DLGAP2: variants seen among roughly 807,000 people sequenced by gnomAD.
The protein encoded by DLGAP2 is DLG associated protein 2.
In DLGAP2, 26 loss-of-function variants were observed where a neutral mutation model predicts 100.3. The observed-to-expected ratio is 0.26, with a 90% confidence interval of 0.19 to 0.36. The LOEUF is 0.36. Among genes scored for constraint, DLGAP2 ranks in the 10% least tolerant of loss-of-function variants. The pLI, the probability that DLGAP2 is intolerant of heterozygous loss-of-function variation, is 1.00. For missense variants in DLGAP2, 1,858 were observed against 1,453.2 expected (o/e 1.28, Z -4.53); for synonymous variants, 886 against 630.1 (o/e 1.41, Z -6.08).
chr8:966,122 G>A (rs1799865404), intron 2 of DLGAP2, among the ~76,000 whole-genome samples: 1 of 152,200 alleles, frequency 6.6e-6, no homozygotes, highest in African/African-American at 2.4e-5. Context: ...GACCAGAGCA[G>A]GGGCATCATC....
intron 6 of DLGAP2, among the ~76,000 whole-genome samples, chr8:1,626,000 G>A (rs974423255): frequency 6.0e-5 from 9 of 149,720 alleles, no homozygotes; most frequent in South Asian, 2.1e-4. Context: ...TGGGTTGGAC[G>A]GCTGTTCCCA....
At chr8:1,161,715 G>T (rs1163103019) in intron 2 of DLGAP2, among the ~76,000 whole-genome samples, 1 of 152,310 alleles carries the variant, frequency 6.6e-6, no homozygotes, top group Middle Eastern at 3.4e-3. Context: ...CTCAGGGCAC[G>T]TATGGTCCAG....
At position 1,548,667 on chromosome 8, in the gene DLGAP2, G is replaced by T; in HGVS notation, c.214G>T (p.Glu72Ter). The T allele has an allele frequency of 1.9e-6, 3 of 1,589,240 alleles. No homozygotes were observed. Among genetic ancestry groups the T allele is most frequent in the Non-Finnish European group, 1.7e-6 (2 of 1,169,514 alleles). ...SWSPTQHFNE[E>*]RYSPAPRSMK... ...GTCGCCCACGCAGCACTTCAATGAG[G>T]AGCGCTACTCGCCCGCGCCCAGGAG... Residue 72 changes from glutamate (E) to a stop codon, truncating the protein, a stop_gained, in exon 5 of 15, where the codon GAG becomes TAG. Coordinates refer to ENST00000637795, the MANE Select transcript of DLGAP2 (RefSeq NM_001346810.2). LOFTEE classifies it high-confidence loss of function.
chr8:1,553,350 T>A (rs1008048821), intron 5 of DLGAP2, among the ~76,000 whole-genome samples: 1 of 152,202 alleles, frequency 6.6e-6, no homozygotes, highest in Admixed American at 6.5e-5. Context: ...TACTCTTTAT[T>A]TGACATGAAG....
intron 2 of DLGAP2, among the ~76,000 whole-genome samples, chr8:1,208,433 T>A (rs1261351715): frequency 6.6e-6 from 1 of 152,218 alleles, no homozygotes; most frequent in African/African-American, 2.4e-5. Flanking sequence ...AGCATCACTT[T>A]ATGATTAAAA....
intron 2 of DLGAP2, among the ~76,000 whole-genome samples, chr8:1,036,890 G>T (rs1043249883): frequency 6.6e-6 from 1 of 152,156 alleles, no homozygotes; most frequent in Non-Finnish European, 1.5e-5. Flanking sequence ...AACATAAGCT[G>T]CTTTTTTTAG....
chr8:1,577,920 C>G (rs1024471465), intron 6 of DLGAP2, among the ~76,000 whole-genome samples: 1 of 152,224 alleles, frequency 6.6e-6, no homozygotes, highest in Non-Finnish European at 1.5e-5. Flanking sequence ...AGCGCGAGTG[C>G]TCATAGCTGC....
At chr8:1,646,503 T>A (rs940809927) in intron 8 of DLGAP2, among the ~76,000 whole-genome samples, 1 of 152,288 alleles carries the variant, frequency 6.6e-6, no homozygotes, top group South Asian at 2.1e-4. Context: ...CCAACTAATA[T>A]CATACCCTTA....
chr8:1,694,448 G>A (rs556169099), intron 13 of DLGAP2, among the ~76,000 whole-genome samples: 11 of 152,340 alleles, frequency 7.2e-5, no homozygotes, highest in East Asian at 1.9e-4. Context: ...GGAGCCTTTC[G>A]GGACGGACCG....
At chr8:1,268,758 C>T (rs1799520712) in intron 3 of DLGAP2, among the ~76,000 whole-genome samples, 1 of 152,342 alleles carries the variant, frequency 6.6e-6, no homozygotes, top group Middle Eastern at 3.4e-3. Context: ...AATTTAAAAA[C>T]ATTTCCCAAT....
At chr8:1,621,643 C>T (rs911375696) in intron 6 of DLGAP2, 1 of 152,202 alleles carries the variant, frequency 6.6e-6, no homozygotes, top group Non-Finnish European at 1.5e-5. Flanking sequence ...ATAGACTCAC[C>T]AGCTGGAGCG....
intron 3 of DLGAP2, among the ~76,000 whole-genome samples, chr8:1,280,402 C>G (rs1443288051): frequency 6.6e-6 from 1 of 152,170 alleles, no homozygotes; most frequent in Non-Finnish European, 1.5e-5. Context: ...ACTTATTTAT[C>G]TCTATTTAAT....
At chr8:1,226,306 C>G (rs140240273) in intron 2 of DLGAP2, among the ~76,000 whole-genome samples, 2,217 of 152,228 alleles carry the variant, frequency 0.015, 27 homozygotes, top group Middle Eastern at 0.034. Flanking sequence ...AGGAATGGGA[C>G]CATGTCCTTT....
intron 1 of DLGAP2, among the ~76,000 whole-genome samples, chr8:841,664 C>G (rs565464158): frequency 1.3e-5 from 2 of 152,132 alleles, no homozygotes; most frequent in African/African-American, 4.8e-5. Context: ...TCACTGCAGC[C>G]TTGAACTCCT....
chr8:1,228,928 G>A (rs1798478056), intron 2 of DLGAP2, among the ~76,000 whole-genome samples: 1 of 151,948 alleles, frequency 6.6e-6, no homozygotes, highest in Non-Finnish European at 1.5e-5. Context: ...GTTCTAGGCA[G>A]GAAAAGCAGA....
chr8:912,452 C>G (rs768199535), intron 2 of DLGAP2, among the ~76,000 whole-genome samples: 1 of 152,192 alleles, frequency 6.6e-6, no homozygotes, highest in Admixed American at 6.5e-5. Context: ...AACTGACTTT[C>G]CGATGCTGAG....
At chr8:1,198,598 A>T (rs1368763050) in intron 2 of DLGAP2, among the ~76,000 whole-genome samples, 1 of 152,060 alleles carries the variant, frequency 6.6e-6, no homozygotes, top group Non-Finnish European at 1.5e-5. Flanking sequence ...TGCAGATGAG[A>T]GTGTGTGCTC....
intron 7 of DLGAP2, among the ~76,000 whole-genome samples, chr8:1,630,831 T>C (rs1159426290): frequency 6.6e-6 from 1 of 152,086 alleles, no homozygotes; most frequent in Non-Finnish European, 1.5e-5. Flanking sequence ...CCTTGGAACC[T>C]CAGTAGCTGC....
At chr8:1,195,886 A>G (rs1322158543) in intron 2 of DLGAP2, among the ~76,000 whole-genome samples, 2 of 152,152 alleles carry the variant, frequency 1.3e-5, no homozygotes, top group Non-Finnish European at 2.9e-5. Flanking sequence ...TCTTAACCGA[A>G]GTTTTTAGCA....
Sources: gnomAD v4.1 joint callset for allele counts (sites outside exome capture counted in the v4.1 genomes callset) on GRCh38, gnomAD v4.1.1 for gene constraint, MANE v1.5 for transcripts, NCBI Gene and HGNC (gene_info 2026-07-23, HGNC 2026-07-21) for gene names.